SPTBN5: variants seen among roughly 807,000 people sequenced by gnomAD.
SPTBN5 encodes the protein spectrin beta, non-erythrocytic 5.
Under a neutral mutation model 477.6 loss-of-function variants are expected in SPTBN5, and 513 were observed. That is an observed-to-expected ratio of 1.07 (90% CI 1.00 to 1.16). The LOEUF is 1.16. Ranked by LOEUF, SPTBN5 falls within the 50% of genes most tolerant of loss-of-function variation. The pLI is 0.00. For synonymous variants in SPTBN5, 2,169 were observed against 2,011.7 expected, an observed-to-expected ratio of 1.08 and a Z score of -2.09; for missense variants, 5,062 against 4,731.8, an observed-to-expected ratio of 1.07 and a Z score of -2.05.
In SPTBN5 at chr15:41,882,353, C is replaced by A; in HGVS notation, c.2163G>T (p.Glu721Asp). 1 of 1,535,690 alleles carries A rather than the reference C, an allele frequency of 6.5e-7. No homozygotes were observed. The highest frequency in any genetic ancestry group is 8.7e-7 in the Non-Finnish European group (1 of 1,146,528). Residue 721 changes from glutamate (E) to aspartate (D), a missense_variant, in exon 11 of 68, where the codon GAG (glutamate) becomes GAT (aspartate). By Grantham distance (45) the Glu-to-Asp change is conservative. Coordinates refer to ENST00000320955, the MANE Select transcript of SPTBN5 (RefSeq NM_016642.4). ...GCAGCTGCCACCCTCCCTGAACGGC[C>A]TCTGCCCGTTCCCCGGGATCCGGCT... ...PTQPDPGERA[E>D]AVQGGWQLLQ...
At chr15:41,879,679 A>G (rs1197685) in intron 15 of SPTBN5, 55 bp downstream of exon 15, 1,377,433 of 1,603,358 alleles carry the variant, frequency 0.86, 592,711 homozygotes, top group East Asian at 0.99. Context: ...AGTCAGGCCC[A>G]GGCTGGGCAC....
intron 59 of SPTBN5, 123 bp from the exon 60 acceptor site, chr15:41,853,123 C>G: frequency 6.9e-7 from 1 of 1,440,642 alleles, no homozygotes; most frequent in Non-Finnish European, 9.3e-7. Flanking sequence ...CGCACCTGCC[C>G]CTTCCCAGCC....
chr15:41,856,742 CA>C, intron 52 of SPTBN5, 110 bp downstream of exon 52: 3 of 1,355,810 alleles, frequency 2.2e-6, no homozygotes, highest in Non-Finnish European at 2.0e-6. Context: ...CAGGGCATCC[CA>C]AAAGCCCCCA....
At position 41,882,002 on chromosome 15, in the gene SPTBN5, G is replaced by GAAGGCGCGCAGGACGCGCTCCAGCC; in HGVS notation, c.2366_2390dup (p.Phe797LeufsTer51). On this transcript the variant is annotated frameshift_variant, in exon 12 of 68. Coordinates refer to ENST00000320955, the MANE Select transcript of SPTBN5 (RefSeq NM_016642.4). LOFTEE classifies it high-confidence loss of function. ...CCTCCAGCCGCCGCAGCTCGGCCGC[G>GAAGGCGCGCAGGACGCGCTCCAGCC]AAGGCGCGCAGGACGCGCTCCAGCC... is the stretch of plus-strand genomic sequence containing the variant. 3.3e-6 allele frequency: 5 copies of GAAGGCGCGCAGGACGCGCTCCAGCC among 1,537,086 alleles called. No homozygotes were observed. The highest frequency in any genetic ancestry group is 4.3e-6 in the Non-Finnish European group (5 of 1,151,166).
rs909347585 is a variant in SPTBN5 at position 41,866,118 on chromosome 15, C to A, written c.6742G>T (p.Gly2248Cys). ...EDLRQAMALR[G>C]QELEDRRNFL... ...TTCCGCCTGTCCTCCAGCTCCTGGC[C>A]CCTGAGGGCCATTGCCTGCCTCAGG... The change falls in exon 38 of 68, where the codon GGC (glycine) becomes TGC (cysteine). Residue 2248 changes from glycine (G) to cysteine (C), a missense_variant. Coordinates refer to ENST00000320955, the MANE Select transcript of SPTBN5 (RefSeq NM_016642.4). The A allele has an allele frequency of 5.8e-6, 9 of 1,558,146 alleles. No homozygotes were observed. The Admixed American group carries it at 9.6e-5, about 17-fold the overall frequency.
At position 41,876,704 on chromosome 15, in the gene SPTBN5, G is replaced by A. The variant is rs566398949; in HGVS notation, c.3852-57C>T. 7.4e-5 allele frequency: 106 copies of A among 1,441,312 alleles called. No homozygotes were observed. In the Middle Eastern group the frequency reaches 3.9e-3, roughly 53 times the overall value. 89.3% of individuals were successfully genotyped at this position (1,441,312 alleles called of 1,614,324 possible). ...TGGGAGAGGACTCCCACCCCAGCAC[G>A]AGGTGCACTCTCCCCCACCCCCTAC... On this transcript the variant is annotated intron_variant, in intron 19 of 67. Coordinates refer to ENST00000320955, the MANE Select transcript of SPTBN5 (RefSeq NM_016642.4).
chr15:41,876,720 C>G (rs2066746746), intron 19 of SPTBN5, 73 bp from the exon 20 acceptor site: 14 of 1,602,032 alleles, frequency 8.7e-6, no homozygotes, highest in Non-Finnish European at 1.2e-5. Context: ...CACTCTCCCC[C>G]ACCCCCTACT....
intron 18 of SPTBN5, 34 bp downstream of exon 18, chr15:41,877,082 A>T: frequency 1.2e-6 from 2 of 1,611,164 alleles, no homozygotes; most frequent in Non-Finnish European, 1.7e-6. Context: ...AGTGATGGGG[A>T]GTGACAGCCT....
chr15:41,869,733 C>T, intron 32 of SPTBN5, 108 bp downstream of exon 32: 1 of 1,213,228 alleles, frequency 8.2e-7, no homozygotes, highest in East Asian at 3.1e-5. Context: ...CACCCAAGTC[C>T]ATGCTTGTTC....
chr15:41,851,875 A>C (rs1477035355), intron 62 of SPTBN5, 25 bp from the exon 63 acceptor site: 2 of 1,594,484 alleles, frequency 1.3e-6, no homozygotes, highest in Non-Finnish European at 1.7e-6. Context: ...TGGGGCCCAG[A>C]AATGTCAGGA....
chr15:41,885,838 C>T lies in SPTBN5; in HGVS notation c.1417G>A (p.Glu473Lys). 1 of 1,561,244 alleles carries T rather than the reference C, an allele frequency of 6.4e-7. No individual in the cohort carries two copies. The highest frequency in any genetic ancestry group is 2.4e-5 in the East Asian group (1 of 41,668). The change falls in exon 7 of 68, where the codon GAG becomes AAG. Residue 473 changes from glutamate (E) to lysine (K), a missense_variant. Physicochemically the swap from Glu to Lys is moderately conservative, Grantham distance 56 (BLOSUM62 1). Transcript: ENST00000320955. ...CCCTCCTGGGGCAGGATGCCAGCCT[C>T]CAGCATGCCCAGCCTCTGGACGGCT... ...EAAVQRLGMLEAGILPQEGRF... is the reference protein window; with the variant it reads ...EAAVQRLGMLKAGILPQEGRF...
chr15:41,877,242 A>C lies in SPTBN5; in HGVS notation c.3585T>G (p.Val1195=). The change falls in exon 18 of 68, where the codon GTT becomes GTG. Residue 1195 remains valine (V), a synonymous_variant. Transcript: ENST00000320955. ...GCCACTGCTGCCTCTGCTCCCACAA[A>C]ACCTTCAGCTCCTGGCCCTGCTGCC... ...VLGQQGQELK[V]LWEQRQQWLQ... 4.3e-6 allele frequency: 7 copies of C among 1,613,736 alleles called. No individual in the cohort carries two copies. Among genetic ancestry groups the C allele is most frequent in the Non-Finnish European group, 5.9e-6 (7 of 1,179,842 alleles).
intron 67 of SPTBN5, among the ~76,000 whole-genome samples, chr15:41,849,642 G>C (rs920154719): frequency 6.6e-6 from 1 of 152,206 alleles, no homozygotes; most frequent in Non-Finnish European, 1.5e-5. Flanking sequence ...AGAGCCTGGA[G>C]TGAGCCCTGG....
Position 41,882,025 on chromosome 15 carries a change from G to A in SPTBN5, c.2368C>T (p.Leu790=). The A allele has an allele frequency of 1.9e-6, 3 of 1,543,778 alleles. No homozygotes were observed. Among genetic ancestry groups the A allele is most frequent in the South Asian group, 1.2e-5 (1 of 84,582 alleles). ...GCGAAGGCGCGCAGGACGCGCTCCA[G>A]CCGCACGTGGCGCCTCAGCAGGGTC... ...AETLLRRHVR[L]ERVLRAFAAE... Residue 790 remains leucine (L), a synonymous_variant, in exon 12 of 68, where the codon CTG becomes TTG. Coordinates refer to ENST00000320955, the MANE Select transcript of SPTBN5 (RefSeq NM_016642.4).
intron 3 of SPTBN5, 129 bp downstream of exon 3, chr15:41,892,765 C>T: frequency 9.2e-7 from 1 of 1,088,658 alleles, no homozygotes; most frequent in African/African-American, 1.6e-5. Context: ...CCCAGCCACT[C>T]CTCCTGTACT....
Position 41,876,896 on chromosome 15 carries a change from C to T in SPTBN5, c.3764G>A (p.Arg1255Gln), listed in dbSNP as rs757237936. 1.2e-5 allele frequency: 20 copies of T among 1,610,336 alleles called. No individual in the cohort carries two copies. Among genetic ancestry groups the T allele is most frequent in the Admixed American group, 5.0e-5 (3 of 59,956 alleles). ...SLLQQHREFG[R>Q]LLSTLGPRAE... ...CCGAGGCCCCAGGGTGCTCAGGAGC[C>T]GCCCAAACTCCCGGTGCTGCTGCAG... The change falls in exon 19 of 68, where the codon CGG (arginine) becomes CAG (glutamine). Residue 1255 changes from arginine (R) to glutamine (Q), a missense_variant. By Grantham distance (43) the Arg-to-Gln change is conservative (BLOSUM62 1). Transcript: ENST00000320955.
chr15:41,876,527 G>A (rs780318464), intron 20 of SPTBN5, 21 bp downstream of exon 20: 51 of 1,569,602 alleles, frequency 3.2e-5, no homozygotes, highest in Non-Finnish European at 4.3e-5. Flanking sequence ...GGCGTCATGC[G>A]ACCTGGGCCC....
chr15:41,871,406 G>T lies in SPTBN5; in HGVS notation c.5416C>A (p.Pro1806Thr). Residue 1806 changes from proline to threonine, a missense_variant, in exon 29 of 68, where the codon CCC (proline) becomes ACC (threonine). Transcript: ENST00000320955. ...SLLERGHSAG[P>T]MVRQRQQDLQ... ...TCCTGCTGCCTCTGACGGACCATGG[G>T]GCCAGCACTGTGCCCACGCTCTAGC... The T allele has an allele frequency of 6.5e-7, 1 of 1,527,198 alleles. No individual in the cohort carries two copies. Among genetic ancestry groups the T allele is most frequent in the Non-Finnish European group, 8.8e-7 (1 of 1,135,756 alleles). 94.6% of individuals were successfully genotyped at this position (1,527,198 alleles called of 1,614,324 possible).
At position 41,848,349 on chromosome 15, in the gene SPTBN5, C is replaced by G; in HGVS notation, c.*267G>C. ...GGAGGCCACATGGGCCTGGGGTAGC[C>G]CTGGCCTTGCCCACCTGCTCTGCCG... On this transcript the variant is annotated 3_prime_UTR_variant, in exon 68 of 68. Coordinates refer to ENST00000320955, the MANE Select transcript of SPTBN5 (RefSeq NM_016642.4). 1.8e-6 allele frequency: 1 copy of G among 568,378 alleles called. No individual in the cohort carries two copies. The highest frequency in any genetic ancestry group is 3.2e-6 in the Non-Finnish European group (1 of 315,768). The allele number at this position is 568,378 out of a possible 1,614,324, so 35.2% of individuals were successfully genotyped here.
Sources: gnomAD v4.1 joint callset for allele counts (sites outside exome capture counted in the v4.1 genomes callset) on GRCh38, gnomAD v4.1.1 for gene constraint, MANE v1.5 for transcripts, NCBI Gene and HGNC (gene_info 2026-07-23, HGNC 2026-07-21) for gene names.